MINDY4: variants seen among roughly 807,000 people sequenced by gnomAD.
MINDY4 encodes the protein MINDY lysine 48 deubiquitinase 4, also known as probable ubiquitin carboxyl-terminal hydrolase MINDY-4.
In MINDY4, 68 loss-of-function variants were observed where a neutral mutation model predicts 87.0. The ratio of observed to expected loss-of-function variants is 0.78; its 90% CI spans 0.64 to 0.96. The LOEUF (loss-of-function observed/expected upper bound fraction) is 0.96. Among genes scored for constraint, MINDY4 ranks in the 40% least tolerant of loss-of-function variants. The pLI is 0.00. For missense variants in MINDY4, 919 were observed against 928.2 expected, an observed-to-expected ratio of 0.99 and a Z score of 0.13; for synonymous variants, 379 against 363.2, an observed-to-expected ratio of 1.04 and a Z score of -0.50.
intron 5 of MINDY4, among the ~76,000 whole-genome samples, chr7:30,803,916 G>A (rs375668037): frequency 5.9e-5 from 9 of 152,226 alleles, no homozygotes; most frequent in East Asian, 1.9e-4. Flanking sequence ...AAAGATGGGC[G>A]TCCTTGTTCC....
chr7:30,820,122 T>C (rs1009240634), intron 5 of MINDY4, among the ~76,000 whole-genome samples: 20 of 151,680 alleles, frequency 1.3e-4, no homozygotes, highest in South Asian at 6.3e-4. Flanking sequence ...GGGATGGTCT[T>C]GATCTCCTGA....
rs376244311 is a variant in MINDY4 at position 30,882,193 on chromosome 7, C to T, written c.1984C>T (p.Leu662=). Residue 662 remains leucine (L), a synonymous_variant, in exon 16 of 18, where the codon CTG becomes TTG. Coordinates refer to ENST00000265299, the MANE Select transcript of MINDY4 (RefSeq NM_032222.3). The part of the protein sequence containing the change: ...HYNMCQVGCF[L]KTPRFPIWVV... ...CTCCCTCATCCAGGTTGGCTGCTTC[C>T]TGAAGACCCCGAGGTTCCCCATCTG... 6.2e-7 allele frequency: 1 copy of T among 1,607,932 alleles called. No individual in the cohort carries two copies. Among genetic ancestry groups the T allele is most frequent in the African/African-American group, 1.3e-5 (1 of 74,806 alleles).
chr7:30,867,226 C>A (rs1248732117), intron 13 of MINDY4, among the ~76,000 whole-genome samples: 1 of 152,184 alleles, frequency 6.6e-6, no homozygotes, highest in Non-Finnish European at 1.5e-5. Context: ...CAGTTGATAT[C>A]CGCTGTATCC....
chr7:30,860,305 C>T (rs909594728), intron 13 of MINDY4, among the ~76,000 whole-genome samples: 1 of 152,056 alleles, frequency 6.6e-6, no homozygotes, highest in East Asian at 1.9e-4. Context: ...GCTGTGGATT[C>T]GGGGGAGGAC....
intron 15 of MINDY4, among the ~76,000 whole-genome samples, 170 bp from the exon 16 acceptor site, chr7:30,882,011 T>G (rs1333136358): frequency 6.6e-6 from 1 of 152,040 alleles, no homozygotes; most frequent in African/African-American, 2.4e-5. Flanking sequence ...GGGATGGCCC[T>G]GGGAAACAGC....
chr7:30,857,058 A>T (rs898955469), intron 12 of MINDY4, among the ~76,000 whole-genome samples: 1 of 152,212 alleles, frequency 6.6e-6, no homozygotes, highest in East Asian at 1.9e-4. Flanking sequence ...GGTTGATTTA[A>T]CATTGTTGTT....
At chr7:30,777,670 T>C (rs1228363434) in intron 1 of MINDY4, among the ~76,000 whole-genome samples, 1 of 152,030 alleles carries the variant, frequency 6.6e-6, no homozygotes, top group Non-Finnish European at 1.5e-5. Flanking sequence ...CTGGAATCCA[T>C]TAAGAACAAG....
At chr7:30,890,052 C>T (rs1370112579) in intron 17 of MINDY4, among the ~76,000 whole-genome samples, 2 of 152,194 alleles carry the variant, frequency 1.3e-5, no homozygotes, top group African/African-American at 4.8e-5. Context: ...GGCCATACAA[C>T]CTGATTTTGG....
At chr7:30,853,647 C>A (rs192296194) in intron 12 of MINDY4, among the ~76,000 whole-genome samples, 188 bp downstream of exon 12, 144 of 152,354 alleles carry the variant, frequency 9.5e-4, no homozygotes, top group African/African-American at 3.3e-3. Flanking sequence ...AGGGATCTGG[C>A]TCCTGCCATT....
intron 5 of MINDY4, among the ~76,000 whole-genome samples, chr7:30,801,470 T>TCCTCCACACCTGC (rs1195725679): frequency 2.0e-5 from 3 of 152,022 alleles, no homozygotes; most frequent in Admixed American, 2.0e-4. Context: ...GATACAGCTG[T>TCCTCCACACCTGC]CCTCCACACC....
intron 6 of MINDY4, among the ~76,000 whole-genome samples, chr7:30,836,052 T>C (rs1223070223): frequency 6.6e-6 from 1 of 152,230 alleles, no homozygotes; most frequent in Non-Finnish European, 1.5e-5. Flanking sequence ...GGCCAGTTAC[T>C]TAACTCCTCT....
chr7:30,771,540 A>C lies in MINDY4; in HGVS notation c.47A>C (p.Glu16Ala). The C allele has an allele frequency of 1.2e-6, 2 of 1,602,508 alleles. No homozygotes were observed. The highest frequency in any genetic ancestry group is 1.7e-6 in the Non-Finnish European group (2 of 1,175,712). The part of the protein sequence containing the change: ...VEEVAASLVR[E>A]FLSRKGLKKT... ...GAGGTGGCCGCCTCCTTGGTCAGGGAGTTCCTCAGCAGAAAGGTAACGGCT... is the reference window on the plus strand; with the variant it reads ...GAGGTGGCCGCCTCCTTGGTCAGGGCGTTCCTCAGCAGAAAGGTAACGGCT... The change falls in exon 1 of 18, where the codon GAG (glutamate) becomes GCG (alanine). Residue 16 changes from glutamate (E) to alanine (A), a missense_variant. Coordinates refer to ENST00000265299, the MANE Select transcript of MINDY4 (RefSeq NM_032222.3).
At chr7:30,886,353 G>T (rs1790631523) in intron 17 of MINDY4, among the ~76,000 whole-genome samples, 1 of 152,186 alleles carries the variant, frequency 6.6e-6, no homozygotes, top group Non-Finnish European at 1.5e-5. Flanking sequence ...GTCAAGTTTG[G>T]AATCAACCCT....
chr7:30,877,822 C>CTTTTTTTTTT lies in MINDY4; in HGVS notation c.1971+2193_1971+2202dup, dbSNP rs60164229. On this transcript the variant is annotated intron_variant, in intron 15 of 17. Coordinates refer to ENST00000265299, the MANE Select transcript of MINDY4 (RefSeq NM_032222.3). ...GAGTAGCTGGGATTACAGGGACATG[C>CTTTTTTTTTT]TTTTTTTTTTTTTTTTTTTTTTTTT... 4.2e-5 allele frequency among the ~76,000 whole-genome samples: 2 copies of CTTTTTTTTTT among 47,542 alleles called. 1 individual carries two copies. The highest frequency in any genetic ancestry group is 8.9e-5 in the Non-Finnish European group (2 of 22,536). 31.2% of individuals were successfully genotyped at this position (47,542 alleles called of 152,430 possible).
rs144677181 is a variant in MINDY4, at chr7:30,804,844, G to A, written c.1073+13270G>A. On this transcript the variant is annotated intron_variant, in intron 5 of 17. Coordinates refer to ENST00000265299, the MANE Select transcript of MINDY4 (RefSeq NM_032222.3). ...TGGGGGAAGAGGACTGTTGAGAGCT[G>A]GCATTAGCAAGGACATAGAGGGCAG... 3.2e-4 allele frequency among the ~76,000 whole-genome samples: 49 copies of A among 152,246 alleles called. No individual in the cohort carries two copies. In the East Asian group the frequency reaches 7.9e-3, roughly 25 times the overall value.
intron 5 of MINDY4, among the ~76,000 whole-genome samples, chr7:30,802,114 T>C (rs1463662248): frequency 6.6e-6 from 1 of 152,142 alleles, no homozygotes; most frequent in Non-Finnish European, 1.5e-5. Context: ...ATCTTTCCTG[T>C]ATTCCTTTTT....
chr7:30,844,491 G>C (rs1789144679), intron 9 of MINDY4, among the ~76,000 whole-genome samples: 1 of 151,290 alleles, frequency 6.6e-6, no homozygotes, highest in Non-Finnish European at 1.5e-5. Context: ...CAGGTAGATA[G>C]GGGTTGGGGA....
chr7:30,892,235 A>G lies in MINDY4; in HGVS notation c.*230A>G. The G allele has an allele frequency of 1.9e-6, 1 of 540,160 alleles. No homozygotes were observed. The highest frequency in any genetic ancestry group is 3.3e-6 in the Non-Finnish European group (1 of 303,654). The allele number at this position is 540,160 out of a possible 1,614,324, so 33.5% of individuals were successfully genotyped here. On this transcript the variant is annotated 3_prime_UTR_variant, in exon 18 of 18. Transcript: ENST00000265299. ...CCCAGCTGAGCTGTGACTGCTGAGT[A>G]CTGGAAGGAGGTTGCCAGGGTCTCT...
intron 15 of MINDY4, among the ~76,000 whole-genome samples, chr7:30,876,419 T>A (rs1790260585): frequency 6.6e-6 from 1 of 152,196 alleles, no homozygotes; most frequent in African/African-American, 2.4e-5. Context: ...GGGCTAGGAT[T>A]CAACACATCT....
Sources: allele counts gnomAD v4.1 joint callset (sites outside exome capture counted in the v4.1 genomes callset), GRCh38; gene constraint gnomAD v4.1.1; transcripts MANE v1.5; gene names NCBI Gene and HGNC (gene_info 2026-07-23, HGNC 2026-07-21).